CACNB2: variants seen among roughly 807,000 people sequenced by gnomAD.
CACNB2 encodes voltage-dependent L-type calcium channel subunit beta-2.
In CACNB2, 42 loss-of-function variants were observed where a neutral mutation model predicts 73.3. The ratio of observed to expected loss-of-function variants is 0.57; its 90% CI spans 0.45 to 0.74. CACNB2 has a LOEUF of 0.74. Ranked by LOEUF, CACNB2 falls within the 30% of genes least tolerant of loss-of-function variation. The pLI is 0.00. For synonymous variants in CACNB2, 348 were observed against 310.3 expected (o/e 1.12, Z -1.28); for missense variants, 940 against 853.0 (o/e 1.10, Z -1.27).
intron 12 of CACNB2, among the ~76,000 whole-genome samples, chr10:18,536,670 A>T (rs1240957379): frequency 2.0e-5 from 3 of 152,132 alleles, no homozygotes; most frequent in African/African-American, 7.2e-5. Context: ...CCCTCCTTCC[A>T]TGATCATGTG....
At chr10:18,205,103 G>T (rs1483522647) in intron 2 of CACNB2, among the ~76,000 whole-genome samples, 2 of 151,042 alleles carry the variant, frequency 1.3e-5, no homozygotes, top group Non-Finnish European at 2.9e-5. Flanking sequence ...AAATTCTTAA[G>T]ATCTGTATCA....
chr10:18,315,303 C>G (rs2040121058), intron 2 of CACNB2, among the ~76,000 whole-genome samples: 1 of 151,562 alleles, frequency 6.6e-6, no homozygotes, highest in Non-Finnish European at 1.5e-5. Context: ...CACTGCACTC[C>G]AGCCTGGGCA....
At chr10:18,250,586 A>G (rs1321022815) in intron 2 of CACNB2, among the ~76,000 whole-genome samples, 1 of 151,404 alleles carries the variant, frequency 6.6e-6, no homozygotes, top group Non-Finnish European at 1.5e-5. Context: ...TGCCTAAGCT[A>G]GCAATGACTA....
chr10:18,247,797 A>G (rs1424564495), intron 2 of CACNB2, among the ~76,000 whole-genome samples: 3 of 152,174 alleles, frequency 2.0e-5, no homozygotes, highest in African/African-American at 7.2e-5. Context: ...CATTACCTTC[A>G]TAGTATCTGT....
chr10:18,410,368 A>C lies in CACNB2; in HGVS notation c.333+8325A>C, dbSNP rs149026266. 3.2e-4 allele frequency among the ~76,000 whole-genome samples: 48 copies of C among 152,342 alleles called. 1 individual carries two copies. The East Asian group carries it at 9.3e-3, about 29-fold the overall frequency. ...CCCAGTAGTTTTCAGTAAACATACT[A>C]CAAAAAAGAAAAAATATTTCTCATC... On this transcript the variant is annotated intron_variant, in intron 3 of 13. Coordinates refer to ENST00000324631, the MANE Select transcript of CACNB2 (RefSeq NM_201596.3).
chr10:18,539,193 C>A, intron 13 of CACNB2, 37 bp from the exon 14 acceptor site: 2 of 1,613,558 alleles, frequency 1.2e-6, no homozygotes, highest in South Asian at 2.2e-5. Flanking sequence ...TACACACTGA[C>A]CTTGGTTAAC....
rs547367467 is a variant in CACNB2, at chr10:18,472,402, A to G, written c.334-25953A>G. Reference sequence around the variant, plus strand: ...CAGGTGCACGCCACCATACATGGCTAATTTTTGTATTTTTAGTACAGATGG... The same window carrying G: ...CAGGTGCACGCCACCATACATGGCTGATTTTTGTATTTTTAGTACAGATGG... On this transcript the variant is annotated intron_variant, in intron 3 of 13. Coordinates refer to ENST00000324631, the MANE Select transcript of CACNB2 (RefSeq NM_201596.3). Among the ~76,000 whole-genome samples, 12 of 151,938 alleles carry G rather than the reference A, an allele frequency of 7.9e-5. No homozygotes were observed. The East Asian group carries it at 2.3e-3, about 29-fold the overall frequency.
rs1176410191 is a variant in CACNB2 at position 18,540,825 on chromosome 10, T to C, written c.*1101T>C. ...AACTAGAGACTGATATCGAGCATTC[T>C]GCCCACCTCGCTCTGTATTTAATTA... On this transcript the variant is annotated 3_prime_UTR_variant, in exon 14 of 14. Transcript: ENST00000324631. 1 of 152,654 alleles carries C rather than the reference T, an allele frequency of 6.6e-6. No homozygotes were observed. The highest frequency in any genetic ancestry group is 1.5e-5 in the Non-Finnish European group (1 of 68,032). 9.5% of individuals were successfully genotyped at this position (152,654 alleles called of 1,614,324 possible). A position where few individuals can be genotyped will look rare whatever the true frequency, so the allele number is the denominator to read the frequency against.
At chr10:18,459,983 G>A (rs1485840107) in intron 3 of CACNB2, among the ~76,000 whole-genome samples, 2 of 152,166 alleles carry the variant, frequency 1.3e-5, no homozygotes, top group Non-Finnish European at 2.9e-5. Context: ...GGGCAACAGA[G>A]CGAGACTCCA....
rs149905680 is a variant in CACNB2 at position 18,247,123 on chromosome 10, C to T, written c.213+96148C>T. Among the ~76,000 whole-genome samples the T allele has an allele frequency of 2.8e-3, 425 of 152,264 alleles. 1 individual carries two copies. Among genetic ancestry groups the T allele is most frequent in the Admixed American group, 5.1e-3 (78 of 15,292 alleles). ...TGACATCACCTCGACACGTGAGACCCGTCTGCTATCTCCTCTCCTGGGAAT... is the reference window on the plus strand; with the variant it reads ...TGACATCACCTCGACACGTGAGACCTGTCTGCTATCTCCTCTCCTGGGAAT... On this transcript the variant is annotated intron_variant, in intron 2 of 13. Coordinates refer to ENST00000324631, the MANE Select transcript of CACNB2 (RefSeq NM_201596.3).
chr10:18,345,393 T>C (rs2041407080), intron 2 of CACNB2, among the ~76,000 whole-genome samples: 1 of 152,236 alleles, frequency 6.6e-6, no homozygotes, highest in African/African-American at 2.4e-5. Flanking sequence ...GTTTAGTGGA[T>C]TACTACTGAA....
At chr10:18,443,678 G>A (rs2046586685) in intron 3 of CACNB2, among the ~76,000 whole-genome samples, 1 of 151,400 alleles carries the variant, frequency 6.6e-6, no homozygotes, top group African/African-American at 2.4e-5. Context: ...CCTTATCCAG[G>A]TGCAGGGAAT....
At chr10:18,435,602 G>A (rs763540223) in intron 3 of CACNB2, among the ~76,000 whole-genome samples, 1 of 152,012 alleles carries the variant, frequency 6.6e-6, no homozygotes, top group Non-Finnish European at 1.5e-5. Context: ...AGGCTCAAGC[G>A]ATCCTCCCTC....
chr10:18,309,280 C>A (rs964935049), intron 2 of CACNB2, among the ~76,000 whole-genome samples: 3 of 151,854 alleles, frequency 2.0e-5, no homozygotes, highest in African/African-American at 7.3e-5. Context: ...CCAATAGAGT[C>A]AAAAATGTCT....
At chr10:18,335,750 C>A (rs2040976521) in intron 2 of CACNB2, among the ~76,000 whole-genome samples, 1 of 149,412 alleles carries the variant, frequency 6.7e-6, no homozygotes, top group African/African-American at 2.5e-5. Context: ...AGGACCTCAA[C>A]AAAATATCTC....
chr10:18,519,580 C>T (rs963426546), intron 9 of CACNB2: 4 of 395,504 alleles, frequency 1.0e-5, no homozygotes, highest in East Asian at 7.1e-5. Flanking sequence ...CATACAGAGC[C>T]GTAATCATCC....
At chr10:18,403,765 A>C (rs955551145) in intron 3 of CACNB2, among the ~76,000 whole-genome samples, 3 of 152,206 alleles carry the variant, frequency 2.0e-5, no homozygotes, top group Admixed American at 6.5e-5. Context: ...GGATAAAAGA[A>C]AATGAAGAGA....
At chr10:18,293,157 T>G (rs2039137261) in intron 2 of CACNB2, among the ~76,000 whole-genome samples, 1 of 152,222 alleles carries the variant, frequency 6.6e-6, no homozygotes, top group African/African-American at 2.4e-5. Context: ...TACCTTAGTT[T>G]GAAACACAAC....
intron 3 of CACNB2, among the ~76,000 whole-genome samples, chr10:18,451,210 C>G (rs1234749067): frequency 6.6e-6 from 1 of 152,184 alleles, no homozygotes; most frequent in Admixed American, 6.5e-5. Flanking sequence ...TATTTATCAG[C>G]CTCCTGATGT....
Sources: gnomAD v4.1 joint callset for allele counts (sites outside exome capture counted in the v4.1 genomes callset) on GRCh38, gnomAD v4.1.1 for gene constraint, MANE v1.5 for transcripts, NCBI Gene and HGNC (gene_info 2026-07-23, HGNC 2026-07-21) for gene names.